CFAP20DC: variants seen among roughly 807,000 people sequenced by gnomAD.
CFAP20DC encodes CFAP20 domain containing.
CFAP20DC carries 84 observed loss-of-function variants against 101.7 expected under a neutral mutation model. The ratio of observed to expected loss-of-function variants is 0.83; its 90% CI spans 0.69 to 0.99. The LOEUF (loss-of-function observed/expected upper bound fraction) is 0.99, where lower values mean the gene tolerates loss of function less well. Among genes scored for constraint, CFAP20DC ranks in the 50% least tolerant of loss-of-function variants. The pLI is 0.00. For missense variants in CFAP20DC, 1,007 were observed against 970.3 expected (o/e 1.04, Z -0.50); for synonymous variants, 359 against 351.2 (o/e 1.02, Z -0.25).
At chr3:58,756,696 C>T (rs1215998861) in intron 15 of CFAP20DC, among the ~76,000 whole-genome samples, 1 of 152,096 alleles carries the variant, frequency 6.6e-6, no homozygotes, top group Non-Finnish European at 1.5e-5. Context: ...CTACCCTCAC[C>T]TCTAGAGGTA....
intron 3 of CFAP20DC, among the ~76,000 whole-genome samples, chr3:59,043,749 C>T (rs1023347056): frequency 6.6e-6 from 1 of 152,154 alleles, no homozygotes; most frequent in African/African-American, 2.4e-5. Context: ...CTCATATGGG[C>T]AACTCTACAT....
intron 15 of CFAP20DC, among the ~76,000 whole-genome samples, chr3:58,762,828 T>C (rs2069785388): frequency 6.6e-6 from 1 of 152,220 alleles, no homozygotes; most frequent in South Asian, 2.1e-4. Context: ...AAATTCTGGG[T>C]TGAAAATTAT....
intron 10 of CFAP20DC, among the ~76,000 whole-genome samples, chr3:58,867,537 A>AT (rs1041555696): frequency 4.6e-5 from 7 of 152,114 alleles, no homozygotes; most frequent in East Asian, 1.9e-4. Flanking sequence ...CATTTGGGCC[A>AT]TTTTTTTCAA....
chr3:58,816,702 G>T (rs556532231), intron 14 of CFAP20DC, among the ~76,000 whole-genome samples: 3 of 152,164 alleles, frequency 2.0e-5, no homozygotes, highest in Non-Finnish European at 4.4e-5. Flanking sequence ...AGGTGGAAGC[G>T]AGGCTGGGGG....
At chr3:58,884,796 A>T (rs1404543686) in intron 6 of CFAP20DC, 87 bp from the exon 7 acceptor site, 1 of 1,146,710 alleles carries the variant, frequency 8.7e-7, no homozygotes, top group Non-Finnish European at 1.3e-6. Context: ...AATTAAAATT[A>T]AAGATTTTAG....
intron 4 of CFAP20DC, among the ~76,000 whole-genome samples, chr3:58,955,459 G>A (rs2090543270): frequency 6.6e-6 from 1 of 152,118 alleles, no homozygotes; most frequent in Admixed American, 6.5e-5. Flanking sequence ...CTTTGTTATA[G>A]AAGAAAGCAA....
At chr3:58,760,799 G>T (rs944705278) in intron 15 of CFAP20DC, among the ~76,000 whole-genome samples, 2 of 152,070 alleles carry the variant, frequency 1.3e-5, no homozygotes, top group Non-Finnish European at 2.9e-5. Context: ...TAATCATGTG[G>T]TTTTTGTCAT....
intron 4 of CFAP20DC, among the ~76,000 whole-genome samples, chr3:59,016,867 G>C (rs1350604211): frequency 1.3e-5 from 2 of 152,018 alleles, no homozygotes; most frequent in East Asian, 3.9e-4. Context: ...TCCTGGAAGT[G>C]CTTATAATCC....
At chr3:58,741,267 G>T (rs1218173977), downstream of CFAP20DC, among the ~76,000 whole-genome samples, 1 of 151,998 alleles carries the variant, frequency 6.6e-6, no homozygotes, top group African/African-American at 2.4e-5. Flanking sequence ...ACAATTCGAG[G>T]CTGTCTACCC....
At chr3:58,937,519 G>A in intron 5 of CFAP20DC, 129 bp downstream of exon 5, 2 of 644,744 alleles carry the variant, frequency 3.1e-6, no homozygotes, top group African/African-American at 1.8e-5. Flanking sequence ...GGGAAGGAAG[G>A]CCATGAATTT....
In CFAP20DC at chr3:58,788,352, G is replaced by A. The variant is rs74355782; in HGVS notation, c.2237+18043C>T. Reference sequence around the variant, plus strand: ...AATTCACATTTAAACCACGGTTACCGGGGAAATCCTATTGGTGAGAATCCA... The same window carrying A: ...AATTCACATTTAAACCACGGTTACCAGGGAAATCCTATTGGTGAGAATCCA... On this transcript the variant is annotated intron_variant, in intron 15 of 16. Transcript: ENST00000482387. This position sits in a 1 kb window ranked among gnomAD's most constrained non-coding sequence, Gnocchi z 4.2. Among the ~76,000 whole-genome samples the A allele has an allele frequency of 2.4e-4, 37 of 152,150 alleles. No homozygotes were observed. Among genetic ancestry groups the A allele is most frequent in the East Asian group, 1.5e-3 (8 of 5,166 alleles).
At chr3:58,805,064 G>A (rs2073961561) in intron 15 of CFAP20DC, among the ~76,000 whole-genome samples, 1 of 152,176 alleles carries the variant, frequency 6.6e-6, no homozygotes, top group African/African-American at 2.4e-5. Flanking sequence ...TGGAAGCCAT[G>A]TTCATTTTTC....
chr3:59,041,218 C>A (rs1016550998), intron 3 of CFAP20DC, among the ~76,000 whole-genome samples: 6 of 152,172 alleles, frequency 3.9e-5, no homozygotes, highest in African/African-American at 1.2e-4. Flanking sequence ...TCACAAATCT[C>A]ACTGAATCAG....
intron 6 of CFAP20DC, among the ~76,000 whole-genome samples, chr3:58,900,177 G>A (rs927985820): frequency 5.9e-5 from 9 of 152,222 alleles, no homozygotes; most frequent in African/African-American, 2.2e-4. Flanking sequence ...GGACTCTGGT[G>A]CATTCTAGGA....
In CFAP20DC at chr3:58,863,630, T is replaced by C; in HGVS notation, c.1521A>G (p.Lys507=). 6.2e-7 allele frequency: 1 copy of C among 1,614,144 alleles called. No individual in the cohort carries two copies. The highest frequency in any genetic ancestry group is 8.5e-7 in the Non-Finnish European group (1 of 1,180,010). ...CTCTGCTTGTCACACTGTTATCCTC[T>C]TTTAGATCCAAAATAAATGAGAGCT... ...PEELSFILDL[K]EDNSVTSRDT... is the part of the protein sequence containing the mutation. The change falls in exon 12 of 17, where the codon AAA becomes AAG. Residue 507 remains lysine (K), a synonymous_variant. Coordinates refer to ENST00000482387, the MANE Select transcript of CFAP20DC (RefSeq NM_001394063.1). This position sits in a 1 kb window ranked among gnomAD's most constrained non-coding sequence, Gnocchi z 5.9.
intron 16 of CFAP20DC, among the ~76,000 whole-genome samples, chr3:58,750,055 G>A (rs2068460806): frequency 2.0e-5 from 3 of 152,096 alleles, no homozygotes; most frequent in Admixed American, 2.0e-4. Context: ...CTTCCTGCTG[G>A]CCGGCTGTGA....
intron 4 of CFAP20DC, among the ~76,000 whole-genome samples, chr3:59,027,147 T>C (rs796920988): frequency 1.3e-5 from 2 of 152,202 alleles, no homozygotes; most frequent in African/African-American, 2.4e-5. Context: ...AAATTCTGTA[T>C]TGAATTCCAG....
Position 58,864,074 on chromosome 3 carries a change from T to C in CFAP20DC, c.1259-182A>G, listed in dbSNP as rs1200393195. Among the ~76,000 whole-genome samples, 2 of 152,186 alleles carry C rather than the reference T, an allele frequency of 1.3e-5. No individual in the cohort carries two copies. The highest frequency in any genetic ancestry group is 2.9e-5 in the Non-Finnish European group (2 of 68,030). ...CCAACCTTCAAGTGATTCTCCTGCC[T>C]GAGCCTCCTGAGTAGGTGGGATTAC... On this transcript the variant is annotated intron_variant, in intron 11 of 16. Transcript: ENST00000482387. The surrounding 1 kb of genome is among the most constrained non-coding windows in gnomAD (Gnocchi z 4.7).
At position 58,734,099 on chromosome 3, in the gene CFAP20DC, TTAA is replaced by T. The variant is rs10575431; in HGVS notation, c.198-16474_198-16472del. On this transcript the variant is annotated intron_variant, in intron 3 of 3. Coordinates refer to the CFAP20DC transcript ENST00000486145. ...GTGAATTCTCAGAATATCTGGTTGT[TTAA>T]TAAAAGTGTGTAGCACATCCACATT... Among the ~76,000 whole-genome samples the T allele has an allele frequency of 9.9e-3, 1,503 of 152,188 alleles. 23 individuals are homozygous for T. Among genetic ancestry groups the T allele is most frequent in the African/African-American group, 0.035 (1,452 of 41,500 alleles).
Sources: gnomAD v4.1 joint callset for allele counts (sites outside exome capture counted in the v4.1 genomes callset) on GRCh38, gnomAD v4.1.1 for gene constraint, Gnocchi (gnomAD v3.1) non-coding constraint, MANE v1.5 for transcripts, NCBI Gene and HGNC (gene_info 2026-07-23, HGNC 2026-07-21) for gene names.